The following GPR158 variants were observed in gnomAD, a reference collection of about 807,000 sequenced individuals.
GPR158 encodes metabotropic glycine receptor.
A neutral mutation model predicts 78.2 loss-of-function variants in GPR158; 30 were observed. The ratio of observed to expected loss-of-function variants is 0.38; its 90% CI spans 0.29 to 0.52. The LOEUF is 0.52. Ranked by LOEUF, GPR158 falls within the 20% of genes least tolerant of loss-of-function variation. The probability of loss-of-function intolerance (pLI) is 0.83; values close to 1 mark genes in which losing one functional copy is unlikely to be tolerated. For synonymous variants in GPR158, 581 were observed against 591.1 expected (o/e 0.98, Z 0.25); for missense variants, 1,463 against 1,523.5 (o/e 0.96, Z 0.66).
At chr10:25,592,583 A>C (rs548062278) in intron 8 of GPR158, among the ~76,000 whole-genome samples, 19 of 152,156 alleles carry the variant, frequency 1.2e-4, no homozygotes, top group African/African-American at 4.6e-4. Flanking sequence ...ACCTGGCAGT[A>C]ATTTAAAACT....
intron 2 of GPR158, among the ~76,000 whole-genome samples, chr10:25,366,358 G>A (rs55836960): frequency 0.18 from 21,428 of 120,268 alleles, 1,841 homozygotes; most frequent in African/African-American, 0.3. Context: ...TCTTTGTGAG[G>A]TTTCTATTCT....
At chr10:25,501,474 T>G (rs915910109) in intron 5 of GPR158, among the ~76,000 whole-genome samples, 3 of 152,256 alleles carry the variant, frequency 2.0e-5, no homozygotes, top group African/African-American at 7.2e-5. Context: ...ACTTACAATT[T>G]GCACTAAGGC....
rs147711174 is a variant in GPR158 at position 25,438,693 on chromosome 10, G to A, written c.1335+26220G>A. ...TTCCTCCAAATTTAATGAAAGGAGC[G>A]TATTTTATGACTTTAGTGGGAATAA... On this transcript the variant is annotated intron_variant, in intron 4 of 10. Transcript: ENST00000376351. 5.5e-4 allele frequency among the ~76,000 whole-genome samples: 84 copies of A among 152,278 alleles called. 1 individual carries two copies. Among genetic ancestry groups the A allele is most frequent in the African/African-American group, 1.1e-3 (44 of 41,570 alleles).
chr10:25,212,692 C>T (rs1047561650), intron 1 of GPR158, among the ~76,000 whole-genome samples: 6 of 124,112 alleles, frequency 4.8e-5, no homozygotes, highest in African/African-American at 6.3e-5. Context: ...AGTGCAGTGG[C>T]GCCATCTTGG....
At chr10:25,529,738 A>G (rs949072040) in intron 5 of GPR158, among the ~76,000 whole-genome samples, 11 of 152,224 alleles carry the variant, frequency 7.2e-5, no homozygotes, top group African/African-American at 2.7e-4. Flanking sequence ...CCTTGGCCTG[A>G]GAAAAGTCAC....
chr10:25,515,940 A>G (rs1437790859), intron 5 of GPR158, among the ~76,000 whole-genome samples: 6 of 151,614 alleles, frequency 4.0e-5, no homozygotes, highest in African/African-American at 1.2e-4. Flanking sequence ...CTGAGGAATC[A>G]CCACACTGAC....
At chr10:25,483,657 G>A (rs1835693887) in intron 5 of GPR158, among the ~76,000 whole-genome samples, 1 of 151,972 alleles carries the variant, frequency 6.6e-6, no homozygotes, top group Non-Finnish European at 1.5e-5. Flanking sequence ...TCGGCACCTG[G>A]AACAGTGCCT....
At chr10:25,550,667 T>C (rs1396423799) in intron 5 of GPR158, among the ~76,000 whole-genome samples, 4 of 152,202 alleles carry the variant, frequency 2.6e-5, no homozygotes, top group Non-Finnish European at 5.9e-5. Flanking sequence ...TTGTTACATA[T>C]GTATACATGT....
In GPR158 at chr10:25,598,100, G is replaced by C; in HGVS notation, c.2474G>C (p.Arg825Thr). 1 of 1,614,084 alleles carries C rather than the reference G, an allele frequency of 6.2e-7. No homozygotes were observed. The part of the protein sequence containing the change: ...KKSHSTYDHV[R>T]DQTEESSSLP... ...TCCCACAGCACTTATGACCACGTGAGAGACCAAACGGAAGAGTCCAGTAGC... is the reference window on the plus strand; with the variant it reads ...TCCCACAGCACTTATGACCACGTGACAGACCAAACGGAAGAGTCCAGTAGC... The change falls in exon 11 of 11, where the codon AGA becomes ACA. Residue 825 changes from arginine (R) to threonine (T), a missense_variant. Physicochemically the swap from Arg to Thr is moderately conservative, Grantham distance 71 (BLOSUM62 -1). Transcript: ENST00000376351.
Position 25,589,084 on chromosome 10 carries a change from C to T in GPR158, c.1831C>T (p.Arg611Cys), listed in dbSNP as rs761950258. The change falls in exon 8 of 11, where the codon CGC (arginine) becomes TGC (cysteine). Residue 611 changes from arginine (R) to cysteine (C), a missense_variant. Arg to Cys is a radical substitution (Grantham distance 180). Transcript: ENST00000376351. ...RTVPSAFHEP[R>C]YMAVAVHNEL... ...AGTCCCATCGGCATTCCATGAGCCC[C>T]GCTATATGGCTGTTGCAGTTCACAA... 14 of 1,611,896 alleles carry T rather than the reference C, an allele frequency of 8.7e-6. No homozygotes were observed. The highest frequency in any genetic ancestry group is 1.6e-4 in the Middle Eastern group (1 of 6,082).
At chr10:25,419,239 C>T (rs775235836) in intron 4 of GPR158, among the ~76,000 whole-genome samples, 1 of 152,020 alleles carries the variant, frequency 6.6e-6, no homozygotes, top group South Asian at 2.1e-4. Context: ...TAAGTGGAAT[C>T]GTATAATATT....
At chr10:25,403,592 T>C (rs1834473592) in intron 3 of GPR158, among the ~76,000 whole-genome samples, 1 of 152,070 alleles carries the variant, frequency 6.6e-6, no homozygotes. Flanking sequence ...GCATGGAGGA[T>C]GTGTTTCTAG....
intron 4 of GPR158, among the ~76,000 whole-genome samples, chr10:25,445,455 A>C (rs948586377): frequency 3.9e-5 from 6 of 152,304 alleles, no homozygotes; most frequent in Admixed American, 2.0e-4. Flanking sequence ...TGAGCTTATA[A>C]AATTTGGACT....
intron 5 of GPR158, among the ~76,000 whole-genome samples, chr10:25,523,766 C>T (rs1836311632): frequency 6.6e-6 from 1 of 151,980 alleles, no homozygotes; most frequent in Non-Finnish European, 1.5e-5. Context: ...AGGAATCACA[C>T]AATGATTTAT....
intron 4 of GPR158, among the ~76,000 whole-genome samples, chr10:25,433,531 GGT>G (rs1554803584): frequency 7.1e-6 from 1 of 140,280 alleles, no homozygotes; most frequent in Non-Finnish European, 1.5e-5. Flanking sequence ...TTTAGTTAGG[GGT>G]GTGTGTGTGT....
chr10:25,391,128 G>A (rs1564442605), intron 2 of GPR158, among the ~76,000 whole-genome samples: 1 of 152,248 alleles, frequency 6.6e-6, no homozygotes, highest in Non-Finnish European at 1.5e-5. Flanking sequence ...TTCAGAGGAT[G>A]CATAGAAACA....
At chr10:25,287,238 T>C (rs1018501057) in intron 2 of GPR158, among the ~76,000 whole-genome samples, 10 of 152,124 alleles carry the variant, frequency 6.6e-5, no homozygotes, top group Non-Finnish European at 1.3e-4. Context: ...GGGAGTTTTC[T>C]TTCCTTTTCT....
rs75795820 is a variant in GPR158 at position 25,292,529 on chromosome 10, T to C, written c.1008+71372T>C. Reference sequence around the variant, plus strand: ...ACCTTCCAGCACTCTCTTTTTATCATTAGATTATTCGCTCTATATAGCAGA... The same window carrying C: ...ACCTTCCAGCACTCTCTTTTTATCACTAGATTATTCGCTCTATATAGCAGA... On this transcript the variant is annotated intron_variant, in intron 2 of 10. Coordinates refer to ENST00000376351, the MANE Select transcript of GPR158 (RefSeq NM_020752.3). Among the ~76,000 whole-genome samples the C allele has an allele frequency of 5.7e-4, 87 of 152,260 alleles. No individual in the cohort carries two copies. In the East Asian group the frequency reaches 0.016, roughly 28 times the overall value.
At chr10:25,521,343 G>A (rs1385514297) in intron 5 of GPR158, among the ~76,000 whole-genome samples, 1 of 152,176 alleles carries the variant, frequency 6.6e-6, no homozygotes, top group African/African-American at 2.4e-5. Context: ...CTCACGCTGG[G>A]AGCTGTAGGC....
Sources: gnomAD v4.1 joint callset for allele counts (sites outside exome capture counted in the v4.1 genomes callset) on GRCh38, gnomAD v4.1.1 for gene constraint, MANE v1.5 for transcripts, NCBI Gene and HGNC (gene_info 2026-07-23, HGNC 2026-07-21) for gene names.